The following HCN3 variants were observed in gnomAD, a reference collection of about 807,000 sequenced individuals.
The protein encoded by HCN3 is hyperpolarization activated cyclic nucleotide gated potassium channel 3, also known as potassium/sodium hyperpolarization-activated cyclic nucleotide-gated channel 3.
In HCN3, 36 loss-of-function variants were observed where a neutral mutation model predicts 56.8. The ratio of observed to expected loss-of-function variants is 0.63; its 90% CI spans 0.49 to 0.84. The LOEUF (loss-of-function observed/expected upper bound fraction) is 0.84, where lower values mean the gene tolerates loss of function less well. HCN3 is among the 40% of genes least tolerant of loss of function. The pLI, the probability that HCN3 is intolerant of heterozygous loss-of-function variation, is 0.00. For missense variants in HCN3, 930 were observed against 1,079.3 expected (o/e 0.86, Z 1.94); for synonymous variants, 425 against 439.7 (o/e 0.97, Z 0.42).
Position 155,282,762 on chromosome 1 carries a change from T to C in HCN3, c.630T>C (p.Val210=). Residue 210 remains valine (V), a synonymous_variant, in exon 2 of 8, where the codon GTT becomes GTC. Coordinates refer to ENST00000368358, the MANE Select transcript of HCN3 (RefSeq NM_020897.3). This position sits in a 1 kb window ranked among gnomAD's most constrained non-coding sequence, Gnocchi z 4.7. ...VYKTARALRI[V]RFTKILSLLR... The stretch of plus-strand genomic sequence containing the variant: ...AAACGGCACGGGCCCTACGCATCGT[T>C]CGCTTCACCAAGATCCTAAGCCTGC... The C allele has an allele frequency of 6.2e-7, 1 of 1,614,036 alleles. No homozygotes were observed.
In HCN3 at chr1:155,277,729, A is replaced by G; in HGVS notation, c.139A>G (p.Arg47Gly). Residue 47 changes from arginine (R) to glycine (G), a missense_variant, in exon 1 of 8, where the codon AGG becomes GGG. Coordinates refer to ENST00000368358, the MANE Select transcript of HCN3 (RefSeq NM_020897.3). ...IPKSGPEPKRRHLGTLLQPTV... is the reference protein window; with the variant it reads ...IPKSGPEPKRGHLGTLLQPTV... ...CAAATCTGGGCCTGAGCCTAAGAGG[A>G]GGCACCTTGGGACGCTGCTCCAGCC... The G allele has an allele frequency of 1.3e-6, 2 of 1,594,724 alleles. No individual in the cohort carries two copies. The highest frequency in any genetic ancestry group is 2.7e-5 in the African/African-American group (2 of 74,620).
rs770400191 is a variant in HCN3 at position 155,285,815 on chromosome 1, A to G, written c.1328A>G (p.Lys443Arg). 6.2e-7 allele frequency: 1 copy of G among 1,613,844 alleles called. No individual in the cohort carries two copies. Among genetic ancestry groups the G allele is most frequent in the Admixed American group, 1.7e-5 (1 of 59,988 alleles). ...AGCTTCGTCACTGCAGTTCTCACCAAGCTGCGCTTTGAGGTCTTCCAGCCG... is the reference window on the plus strand; with the variant it reads ...AGCTTCGTCACTGCAGTTCTCACCAGGCTGCGCTTTGAGGTCTTCCAGCCG... ...DPSFVTAVLT[K>R]LRFEVFQPGD... The change falls in exon 6 of 8, where the codon AAG becomes AGG. Residue 443 changes from lysine to arginine, a missense_variant. By Grantham distance (26) the Lys-to-Arg change is conservative. Transcript: ENST00000368358. The surrounding 1 kb of genome is among the most constrained non-coding windows in gnomAD (Gnocchi z 4.5).
At chr1:155,280,042 G>A (rs1239180478) in intron 1 of HCN3, among the ~76,000 whole-genome samples, 1 of 151,810 alleles carries the variant, frequency 6.6e-6, no homozygotes, top group Non-Finnish European at 1.5e-5. Flanking sequence ...CGCCTCCCGG[G>A]TTCAAGCGAT....
Position 155,287,879 on chromosome 1 carries a change from A to C in HCN3, c.1741A>C (p.Met581Leu), listed in dbSNP as rs78333507. Residue 581 changes from methionine to leucine, a missense_variant, in exon 8 of 8, where the codon ATG (methionine) becomes CTG (leucine). By Grantham distance (15) the Met-to-Leu change is conservative. Coordinates refer to ENST00000368358, the MANE Select transcript of HCN3 (RefSeq NM_020897.3). The stretch of plus-strand genomic sequence containing the variant: ...GCACTTGGTGCAACATGACAGAGAC[A>C]TGGCTCGGGGTGTTCGGGGTCGGGC... Reference protein sequence around the residue: ...EQHLVQHDRDMARGVRGRAPS... With the variant: ...EQHLVQHDRDLARGVRGRAPS... 40 of 1,614,042 alleles carry C rather than the reference A, an allele frequency of 2.5e-5. No individual in the cohort carries two copies. The highest frequency in any genetic ancestry group is 2.7e-5 in the Non-Finnish European group (32 of 1,180,010).
chr1:155,283,540 A>G (rs373967127), intron 2 of HCN3, among the ~76,000 whole-genome samples: 11 of 145,178 alleles, frequency 7.6e-5, no homozygotes, highest in South Asian at 4.7e-4. Flanking sequence ...ATATCTCCCA[A>G]TGCTATCCCT....
chr1:155,285,438 AG>A lies in HCN3; in HGVS notation c.1236+129del. 7.7e-7 allele frequency: 1 copy of A among 1,293,694 alleles called. No homozygotes were observed. The highest frequency in any genetic ancestry group is 1.1e-6 in the Non-Finnish European group (1 of 952,012). The allele number at this position is 1,293,694 out of a possible 1,614,324, so 80.1% of individuals were successfully genotyped here. ...CCTGCAGAGGGCCCCGTGGGAGGCC[AG>A]GTATTTGGGCTTTCAGGGGCTAGGG... On this transcript the variant is annotated intron_variant, in intron 5 of 7. Coordinates refer to ENST00000368358, the MANE Select transcript of HCN3 (RefSeq NM_020897.3). The surrounding 1 kb of genome is among the most constrained non-coding windows in gnomAD (Gnocchi z 4.5).
intron 1 of HCN3, among the ~76,000 whole-genome samples, chr1:155,280,738 ATTTTTTTTTTTTTT>A (rs34480594): frequency 4.5e-3 from 155 of 34,570 alleles, no homozygotes; most frequent in East Asian, 7.6e-3. Context: ...ACGCCCAGCT[ATTTTTTTTTTTTTT>A]TTTTTTTTTT....
rs975514677 is a variant in HCN3, at chr1:155,284,978, C to T, written c.1090-187C>T. Among the ~76,000 whole-genome samples the T allele has an allele frequency of 6.6e-6, 1 of 152,190 alleles. No individual in the cohort carries two copies. Among genetic ancestry groups the T allele is most frequent in the African/African-American group, 2.4e-5 (1 of 41,430 alleles). On this transcript the variant is annotated intron_variant, in intron 4 of 7. Transcript: ENST00000368358. The surrounding 1 kb of genome is among the most constrained non-coding windows in gnomAD (Gnocchi z 4.3). ...ACGCCTGGGTTTTCCTATGACTGTG[C>T]TCTGTGTCTTCCCGGTATCCATCAT... is the stretch of plus-strand genomic sequence containing the variant.
At chr1:155,287,029 TG>T (rs1374803529) in intron 6 of HCN3, 143 bp from the exon 7 acceptor site, 13 of 874,596 alleles carry the variant, frequency 1.5e-5, no homozygotes, top group African/African-American at 3.4e-5. Flanking sequence ...TTAGGGTTCC[TG>T]GGGCACGGAG....
At position 155,285,176 on chromosome 1, in the gene HCN3, G is replaced by A. The variant is rs1311080890; in HGVS notation, c.1101G>A (p.Val367=). ...GGCTGGCCCTCCAGTACAAGCAGGT[G>A]GAGCAGTACATGTCCTTCCACAAGC... ...RRQYQEKYKQ[V]EQYMSFHKLP... is the part of the protein sequence containing the mutation. The change falls in exon 5 of 8, where the codon GTG becomes GTA. Residue 367 remains valine (V), a synonymous_variant. Transcript: ENST00000368358. This position sits in a 1 kb window ranked among gnomAD's most constrained non-coding sequence, Gnocchi z 4.5. The A allele has an allele frequency of 6.2e-7, 1 of 1,614,080 alleles. No homozygotes were observed. Among genetic ancestry groups the A allele is most frequent in the Non-Finnish European group, 8.5e-7 (1 of 1,179,934 alleles).
At position 155,288,792 on chromosome 1, in the gene HCN3, C is replaced by T; in HGVS notation, c.*329C>T. The T allele has an allele frequency of 3.1e-6, 1 of 324,738 alleles. No individual in the cohort carries two copies. 20.1% of individuals were successfully genotyped at this position (324,738 alleles called of 1,614,324 possible). On this transcript the variant is annotated 3_prime_UTR_variant, in exon 8 of 8. Coordinates refer to ENST00000368358, the MANE Select transcript of HCN3 (RefSeq NM_020897.3). This position sits in a 1 kb window ranked among gnomAD's most constrained non-coding sequence, Gnocchi z 6.5. Reference sequence around the variant, plus strand: ...ACAAGGATATTCCCTTGGCTATGGTCCTGCCAGGTGCAGGCCCAGGCCCAT... The same window carrying T: ...ACAAGGATATTCCCTTGGCTATGGTTCTGCCAGGTGCAGGCCCAGGCCCAT...
chr1:155,280,489 T>A (rs1429938742), intron 1 of HCN3, among the ~76,000 whole-genome samples: 1 of 148,700 alleles, frequency 6.7e-6, no homozygotes, highest in Admixed American at 6.8e-5. Context: ...CAGGCTGGAG[T>A]GCAGTGGCAC....
At chr1:155,287,022 G>C (rs1674310656) in intron 6 of HCN3, 151 bp from the exon 7 acceptor site, 2 of 802,688 alleles carry the variant, frequency 2.5e-6, no homozygotes, top group Admixed American at 2.7e-5. Context: ...GGGGTGTTTA[G>C]GGTTCCTGGG....
chr1:155,282,661 C>G lies in HCN3; in HGVS notation c.529C>G (p.Leu177Val). ...CCTGCGCACCTGGTTCCTGGTTGAC[C>G]TCATCTCTTCTATCCCTGTGGATTA... Reference protein sequence around the residue: ...RYLRTWFLVDLISSIPVDYIF... With the variant: ...RYLRTWFLVDVISSIPVDYIF... The change falls in exon 2 of 8, where the codon CTC (leucine) becomes GTC (valine). Residue 177 changes from leucine (L) to valine (V), a missense_variant. Leu to Val is a conservative substitution (Grantham distance 32). Coordinates refer to ENST00000368358, the MANE Select transcript of HCN3 (RefSeq NM_020897.3). The surrounding 1 kb of genome is among the most constrained non-coding windows in gnomAD (Gnocchi z 4.7). 3 of 1,614,252 alleles carry G rather than the reference C, an allele frequency of 1.9e-6. No homozygotes were observed. Among genetic ancestry groups the G allele is most frequent in the Non-Finnish European group, 2.5e-6 (3 of 1,180,044 alleles).
chr1:155,278,890 A>G (rs1482201015), intron 1 of HCN3, among the ~76,000 whole-genome samples: 2 of 151,982 alleles, frequency 1.3e-5, no homozygotes, highest in South Asian at 2.1e-4. Flanking sequence ...GAAGCCTGGT[A>G]TCCCTCTGAT....
At chr1:155,280,445 T>G (rs1295811401) in intron 1 of HCN3, among the ~76,000 whole-genome samples, 1 of 150,180 alleles carries the variant, frequency 6.7e-6, no homozygotes, top group African/African-American at 2.4e-5. Flanking sequence ...AATTTTTTTT[T>G]TTTTTTTTTG....
chr1:155,284,329 G>C lies in HCN3; in HGVS notation c.870+194G>C, dbSNP rs1210102799. 3 of 841,406 alleles carry C rather than the reference G, an allele frequency of 3.6e-6. No homozygotes were observed. In the African/African-American group the frequency reaches 5.1e-5, roughly 14 times the overall value. 52.1% of individuals were successfully genotyped at this position (841,406 alleles called of 1,614,324 possible). A position where few individuals can be genotyped will look rare whatever the true frequency, so the allele number is the denominator to read the frequency against. On this transcript the variant is annotated intron_variant, in intron 3 of 7. Coordinates refer to ENST00000368358, the MANE Select transcript of HCN3 (RefSeq NM_020897.3). The surrounding 1 kb of genome is among the most constrained non-coding windows in gnomAD (Gnocchi z 4.3). ...CGTGTGTTGGAGGGAGCAGGCAAAG[G>C]AAGGGTACCTACCCGGAAGCTGAGG... is the stretch of plus-strand genomic sequence containing the variant.
rs769098835 is a variant in HCN3, at chr1:155,288,012, C to A, written c.1874C>A (p.Thr625Asn). 1.2e-6 allele frequency: 2 copies of A among 1,614,038 alleles called. No homozygotes were observed. Among genetic ancestry groups the A allele is most frequent in the Non-Finnish European group, 1.7e-6 (2 of 1,180,016 alleles). ...ACCTCCAATGTGGCCATTGCCCTGACTCATCAGCGGGGCCCTCTGCCCCTC... is the reference window on the plus strand; with the variant it reads ...ACCTCCAATGTGGCCATTGCCCTGAATCATCAGCGGGGCCCTCTGCCCCTC... ...AVTSNVAIAL[T>N]HQRGPLPLSP... The change falls in exon 8 of 8, where the codon ACT becomes AAT. Residue 625 changes from threonine (T) to asparagine (N), a missense_variant. Coordinates refer to ENST00000368358, the MANE Select transcript of HCN3 (RefSeq NM_020897.3). The surrounding 1 kb of genome is among the most constrained non-coding windows in gnomAD (Gnocchi z 6.5).
Position 155,288,621 on chromosome 1 carries a change from T to C in HCN3, c.*158T>C. The C allele has an allele frequency of 3.4e-6, 3 of 881,344 alleles. 1 individual carries two copies. In the South Asian group the frequency reaches 5.5e-5, roughly 16 times the overall value. 54.6% of individuals were successfully genotyped at this position (881,344 alleles called of 1,614,324 possible). A position where few individuals can be genotyped will look rare whatever the true frequency, so the allele number is the denominator to read the frequency against. ...CATACTGCCATGAAGACGGTCTCTG[T>C]GTCCTCAGCTCAAGAATCCTGTAGC... On this transcript the variant is annotated 3_prime_UTR_variant, in exon 8 of 8. Coordinates refer to ENST00000368358, the MANE Select transcript of HCN3 (RefSeq NM_020897.3). The surrounding 1 kb of genome is among the most constrained non-coding windows in gnomAD (Gnocchi z 6.5).
Sources: gnomAD v4.1 joint callset for allele counts (sites outside exome capture counted in the v4.1 genomes callset) on GRCh38, gnomAD v4.1.1 for gene constraint, Gnocchi (gnomAD v3.1) non-coding constraint, MANE v1.5 for transcripts, NCBI Gene and HGNC (gene_info 2026-07-23, HGNC 2026-07-21) for gene names.